CORIN: variants seen among roughly 807,000 people sequenced by gnomAD.
CORIN encodes corin, serine peptidase.
Under a neutral mutation model 125.3 loss-of-function variants are expected in CORIN, and 117 were observed. The observed-to-expected ratio is 0.93, with a 90% CI of 0.80 to 1.09. The LOEUF (loss-of-function observed/expected upper bound fraction) is 1.09. Among genes scored for constraint, CORIN ranks in the 50% least tolerant of loss-of-function variants. CORIN has a pLI of 0.00. For missense variants in CORIN, 1,253 were observed against 1,306.7 expected, an observed-to-expected ratio of 0.96 and a Z score of 0.63; for synonymous variants, 450 against 466.4, an observed-to-expected ratio of 0.96 and a Z score of 0.45.
intron 3 of CORIN, among the ~76,000 whole-genome samples, chr4:47,773,418 G>A (rs1167666857): frequency 6.6e-6 from 1 of 152,164 alleles, no homozygotes; most frequent in African/African-American, 2.4e-5. Flanking sequence ...ATTTGAGTAC[G>A]GGAGTAATGA....
chr4:47,805,148 A>AAAAAAAATAATAATAAT (rs796469224), intron 2 of CORIN, among the ~76,000 whole-genome samples: 18 of 129,164 alleles, frequency 1.4e-4, no homozygotes, highest in African/African-American at 5.0e-4. Flanking sequence ...AAAAAAAAAA[A>AAAAAAAATAATAATAAT]AATAATAATA....
intron 1 of CORIN, among the ~76,000 whole-genome samples, chr4:47,811,221 C>A (rs1732048569): frequency 6.6e-6 from 1 of 152,098 alleles, no homozygotes; most frequent in African/African-American, 2.4e-5. Flanking sequence ...TGAGAAAAAA[C>A]AACGTGAAAA....
chr4:47,656,065 T>C (rs527561820), intron 12 of CORIN, among the ~76,000 whole-genome samples: 1 of 151,192 alleles, frequency 6.6e-6, no homozygotes, highest in African/African-American at 2.4e-5. Flanking sequence ...ATTTCCTTGA[T>C]GAACATTGAC....
At chr4:47,691,220 G>A (rs1330728000) in intron 6 of CORIN, among the ~76,000 whole-genome samples, 1 of 152,196 alleles carries the variant, frequency 6.6e-6, no homozygotes, top group Non-Finnish European at 1.5e-5. Context: ...GGAGATACAG[G>A]CATATGCAGA....
intron 4 of CORIN, among the ~76,000 whole-genome samples, chr4:47,759,731 C>T (rs1347011565): frequency 6.6e-6 from 1 of 152,216 alleles, no homozygotes; most frequent in African/African-American, 2.4e-5. Flanking sequence ...GCAATGTTCA[C>T]AGCAGCTTCA....
rs953387875 is a variant in CORIN, at chr4:47,826,249, C to A, written c.63+11638G>T. Among the ~76,000 whole-genome samples the A allele has an allele frequency of 2.6e-5, 4 of 152,338 alleles. No homozygotes were observed. In the East Asian group the frequency reaches 7.7e-4, roughly 29 times the overall value. On this transcript the variant is annotated intron_variant, in intron 1 of 21. Coordinates refer to ENST00000273857, the MANE Select transcript of CORIN (RefSeq NM_006587.4). ...ACAACTGTGATTGTCTAAGACTCTG[C>A]AGCCAGGGCAACACCTTCACAAAAC...
chr4:47,649,361 A>G (rs1223469837), intron 13 of CORIN, among the ~76,000 whole-genome samples: 2 of 152,220 alleles, frequency 1.3e-5, no homozygotes, highest in Non-Finnish European at 2.9e-5. Context: ...CCCATGCTTT[A>G]GCCTGACAGA....
At chr4:47,706,790 A>G (rs1726587589) in intron 5 of CORIN, 2 of 1,598,264 alleles carry the variant, frequency 1.3e-6, no homozygotes, top group Non-Finnish European at 1.7e-6. Flanking sequence ...TCCATTCCAT[A>G]AAGCTATCAG....
intron 1 of CORIN, among the ~76,000 whole-genome samples, chr4:47,829,473 T>C (rs1008700028): frequency 3.9e-5 from 6 of 152,208 alleles, no homozygotes; most frequent in African/African-American, 1.4e-4. Context: ...TTAAGTGTTG[T>C]CCTGAGTTCT....
intron 4 of CORIN, among the ~76,000 whole-genome samples, chr4:47,759,223 C>T (rs766853708): frequency 4.6e-5 from 7 of 152,078 alleles, no homozygotes; most frequent in Non-Finnish European, 7.4e-5. Context: ...CAAAAATGAA[C>T]TCAAAATGGG....
At chr4:47,789,891 G>T (rs1299939950) in intron 2 of CORIN, among the ~76,000 whole-genome samples, 1 of 152,022 alleles carries the variant, frequency 6.6e-6, no homozygotes, top group Non-Finnish European at 1.5e-5. Context: ...GTGTGGTGGC[G>T]GGCGCCTGTA....
chr4:47,606,971 C>CA (rs1721674192), intron 19 of CORIN, among the ~76,000 whole-genome samples: 1 of 152,234 alleles, frequency 6.6e-6, no homozygotes, highest in African/African-American at 2.4e-5. Context: ...CATTCATCCA[C>CA]ATGCTTAAAT....
At chr4:47,775,895 T>C (rs549805488) in intron 3 of CORIN, among the ~76,000 whole-genome samples, 2 of 152,196 alleles carry the variant, frequency 1.3e-5, no homozygotes, top group Non-Finnish European at 2.9e-5. Context: ...TGTCTTTTGT[T>C]TTTTGGGGTT....
intron 19 of CORIN, among the ~76,000 whole-genome samples, chr4:47,610,923 G>C (rs529564005): frequency 1.0e-3 from 158 of 152,068 alleles, no homozygotes; most frequent in African/African-American, 3.7e-3. Context: ...CTTATTTCTG[G>C]GTTCTCTATT....
At chr4:47,827,504 C>G (rs1732794385) in intron 1 of CORIN, among the ~76,000 whole-genome samples, 1 of 152,066 alleles carries the variant, frequency 6.6e-6, no homozygotes, top group South Asian at 2.1e-4. Context: ...TAAGCTAGAA[C>G]TTGAGCCCAT....
intron 5 of CORIN, among the ~76,000 whole-genome samples, chr4:47,712,795 A>T (rs1233780265): frequency 6.6e-6 from 1 of 152,234 alleles, no homozygotes; most frequent in Non-Finnish European, 1.5e-5. Flanking sequence ...TACTCAAACT[A>T]GTCAATTAGA....
rs1728712535 is a variant in CORIN at position 47,747,506 on chromosome 4, A to G, written c.618-2923T>C. Among the ~76,000 whole-genome samples, 7 of 151,250 alleles carry G rather than the reference A, an allele frequency of 4.6e-5. No individual in the cohort carries two copies. The South Asian group carries it at 1.4e-3, about 31-fold the overall frequency. Reference sequence around the variant, plus strand: ...TTTCTGAACTGAGTTATTTTATTTTATTTTATTTCATTTCATTTCATTTCA... The same window carrying G: ...TTTCTGAACTGAGTTATTTTATTTTGTTTTATTTCATTTCATTTCATTTCA... On this transcript the variant is annotated intron_variant, in intron 4 of 21. Transcript: ENST00000273857.
At chr4:47,728,859 C>T (rs1363499620) in intron 5 of CORIN, among the ~76,000 whole-genome samples, 2 of 152,146 alleles carry the variant, frequency 1.3e-5, no homozygotes, top group Non-Finnish European at 2.9e-5. Context: ...AGCTATCAAC[C>T]TGTAAGCCAA....
In CORIN at chr4:47,806,951, A is replaced by G. The variant is rs985481956; in HGVS notation, c.160T>C (p.Cys54Arg). The change falls in exon 2 of 22, where the codon TGT (cysteine) becomes CGT (arginine). Residue 54 changes from cysteine to arginine, a missense_variant. Physicochemically the swap from Cys to Arg is radical, Grantham distance 180. Coordinates refer to ENST00000273857, the MANE Select transcript of CORIN (RefSeq NM_006587.4). ...LRFLLLVLIP[C>R]ICALVLLLVI... ...AGCAAGAGAACGAGAGCACAGATAC[A>G]TGGAATCAGGACCAGCAATAGGAAC... 5 of 1,613,824 alleles carry G rather than the reference A, an allele frequency of 3.1e-6. No homozygotes were observed. The African/African-American group carries it at 4.0e-5, about 13-fold the overall frequency.
Sources: gnomAD v4.1 joint callset for allele counts (sites outside exome capture counted in the v4.1 genomes callset) on GRCh38, gnomAD v4.1.1 for gene constraint, MANE v1.5 for transcripts, NCBI Gene and HGNC (gene_info 2026-07-23, HGNC 2026-07-21) for gene names.